Variants in PASD1 observed in about 807,000 individuals in gnomAD.
PASD1 encodes circadian clock protein PASD1.
Under a neutral mutation model 58.8 loss-of-function variants are expected in PASD1, and 13 were observed. The observed-to-expected ratio is 0.22, with a 90% CI of 0.14 to 0.35. The LOEUF (loss-of-function observed/expected upper bound fraction) is 0.35, where lower values mean the gene tolerates loss of function less well. Ranked by LOEUF, PASD1 falls within the 10% of genes least tolerant of loss-of-function variation. The probability of loss-of-function intolerance (pLI) is 1.00; values close to 1 mark genes in which losing one functional copy is unlikely to be tolerated. For missense variants in PASD1, 734 were observed against 568.3 expected (o/e 1.29, Z -2.96); for synonymous variants, 236 against 216.7 (o/e 1.09, Z -0.78).
intron 3 of PASD1, among the ~76,000 whole-genome samples, chrX:151,610,342 A>G (rs942807219): frequency 2.7e-5 from 3 of 111,406 alleles, no homozygotes; most frequent in Non-Finnish European, 5.7e-5. Context: ...CTATACATTA[A>G]GTTTCTAATT....
At chrX:151,573,725 AGGCTG>A (rs1389782076) in intron 1 of PASD1, among the ~76,000 whole-genome samples, 2 of 112,351 alleles carry the variant, frequency 1.8e-5, no homozygotes, top group Admixed American at 9.4e-5. Context: ...TCATGAGCAA[AGGCTG>A]GGCAGTATGA....
chrX:151,648,652 G>A lies in PASD1; in HGVS notation c.667G>A (p.Ala223Thr). 2 of 1,211,310 alleles carry A rather than the reference G, an allele frequency of 1.7e-6. No homozygotes were observed. The highest frequency in any genetic ancestry group is 1.1e-6 in the Non-Finnish European group (1 of 895,302). ...QGQRGHTSMK[A>T]VYVEPAAAAA... is the part of the protein sequence containing the mutation. ...TCAAAGAGGACACACTAGCATGAAA[G>A]CCGTGTACGTTGAACCCGCTGCTGC... Residue 223 changes from alanine to threonine, a missense_variant, in exon 9 of 16, where the codon GCC becomes ACC. By Grantham distance (58) the Ala-to-Thr change is moderately conservative (BLOSUM62 0). Transcript: ENST00000370357.
intron 3 of PASD1, among the ~76,000 whole-genome samples, chrX:151,605,090 T>C (rs375791483): frequency 9.0e-6 from 1 of 111,377 alleles, no homozygotes; most frequent in Non-Finnish European, 1.9e-5. Flanking sequence ...AAGTAGTTTC[T>C]CCCCCCTCAA....
intron 14 of PASD1, chrX:151,673,424 G>T: frequency 8.0e-6 from 1 of 125,553 alleles, no homozygotes; most frequent in Non-Finnish European, 1.7e-5. Flanking sequence ...CTGCTTTAGG[G>T]CCATATTGTC....
At chrX:151,646,581 A>G (rs914430846) in intron 8 of PASD1, among the ~76,000 whole-genome samples, 1 of 112,661 alleles carries the variant, frequency 8.9e-6, no homozygotes, top group Non-Finnish European at 1.9e-5. Flanking sequence ...GCCATATTGG[A>G]CAATGCAGCA....
At chrX:151,653,868 C>CTCTTTCTTTCTTTCT (rs2014193181) in intron 9 of PASD1, among the ~76,000 whole-genome samples, 1 of 16,462 alleles carries the variant, frequency 6.1e-5, no homozygotes, top group African/African-American at 2.2e-4. Context: ...CCCTCCCTCC[C>CTCTTTCTTTCTTTCT]TCTTTCTTTC....
At chrX:151,672,799 A>C in intron 14 of PASD1, 138 bp downstream of exon 14, 3 of 1,016,681 alleles carry the variant, frequency 3.0e-6, no homozygotes, top group Non-Finnish European at 3.9e-6. Flanking sequence ...ACTTGCTCTC[A>C]ACTTGCCTTC....
intron 1 of PASD1, among the ~76,000 whole-genome samples, chrX:151,592,169 G>A (rs1243255074): frequency 8.9e-6 from 1 of 111,990 alleles, no homozygotes; most frequent in Non-Finnish European, 1.9e-5. Flanking sequence ...AACTTGTGAA[G>A]TTACATAGAA....
chrX:151,577,170 A>C (rs758405169), intron 1 of PASD1, among the ~76,000 whole-genome samples: 3 of 111,856 alleles, frequency 2.7e-5, no homozygotes, highest in African/African-American at 9.8e-5. Context: ...CCTCGTCTTG[A>C]AAGAGAGAGA....
At chrX:151,636,920 A>G (rs765217291) in intron 8 of PASD1, among the ~76,000 whole-genome samples, 118 of 111,337 alleles carry the variant, frequency 1.1e-3, no homozygotes, top group Non-Finnish European at 1.9e-3. Context: ...CCTCACCCCT[A>G]ACCCATTTCA....
chrX:151,599,464 C>T (rs1158169446), intron 1 of PASD1, among the ~76,000 whole-genome samples: 2 of 108,625 alleles, frequency 1.8e-5, no homozygotes, highest in South Asian at 4.1e-4. Context: ...CGCCACCTCC[C>T]GGACTGGGCG....
chrX:151,607,749 A>G (rs973419352), intron 3 of PASD1, among the ~76,000 whole-genome samples: 8 of 112,065 alleles, frequency 7.1e-5, no homozygotes, highest in Non-Finnish European at 1.3e-4. Context: ...TGGAAACCCA[A>G]TGGGGAACCC....
chrX:151,611,397 A>G (rs35343787), intron 3 of PASD1, among the ~76,000 whole-genome samples: 42,504 of 110,750 alleles, frequency 0.38, 6,151 homozygotes, highest in African/African-American at 0.44. Flanking sequence ...CTTAGCTTGC[A>G]TTGGAGAATT....
intron 1 of PASD1, among the ~76,000 whole-genome samples, chrX:151,586,391 G>A (rs1569399800): frequency 9.0e-6 from 1 of 111,724 alleles, no homozygotes; most frequent in Admixed American, 9.5e-5. Flanking sequence ...CACTACAGAG[G>A]AGATGGTGAA....
chrX:151,576,418 T>TA (rs1295684192), intron 1 of PASD1, among the ~76,000 whole-genome samples: 1 of 112,441 alleles, frequency 8.9e-6, no homozygotes, highest in African/African-American at 3.2e-5. Flanking sequence ...AATCAACTCT[T>TA]ATCCTAGTGA....
At chrX:151,661,605 T>G (rs1345112025) in intron 10 of PASD1, among the ~76,000 whole-genome samples, 1 of 112,579 alleles carries the variant, frequency 8.9e-6, no homozygotes, top group East Asian at 2.8e-4. Context: ...AAGTTAACAT[T>G]GATGCAATAC....
At chrX:151,647,626 G>A (rs1399406945) in intron 8 of PASD1, among the ~76,000 whole-genome samples, 1 of 110,013 alleles carries the variant, frequency 9.1e-6, no homozygotes, top group African/African-American at 3.3e-5. Flanking sequence ...TCATTAACTA[G>A]TTGTTTTATG....
chrX:151,661,733 C>T (rs941913147), intron 10 of PASD1, among the ~76,000 whole-genome samples: 1 of 102,747 alleles, frequency 9.7e-6, no homozygotes, highest in Non-Finnish European at 2.0e-5. Flanking sequence ...TTCTTCCAGT[C>T]TTTGACAGTG....
intron 1 of PASD1, among the ~76,000 whole-genome samples, chrX:151,578,885 G>C (rs965419938): frequency 1.8e-5 from 2 of 112,038 alleles, no homozygotes; most frequent in Admixed American, 9.5e-5. Context: ...CTTCACTGAA[G>C]AGTTAAAGAA....
Sources: allele counts gnomAD v4.1 joint callset (sites outside exome capture counted in the v4.1 genomes callset), GRCh38; gene constraint gnomAD v4.1.1; transcripts MANE v1.5; gene names NCBI Gene and HGNC (gene_info 2026-07-23, HGNC 2026-07-21).